Variants in CDC73 observed in about 807,000 individuals in gnomAD.
CDC73 encodes parafibromin.
Under a neutral mutation model 83.7 loss-of-function variants are expected in CDC73, and 21 were observed. The observed-to-expected ratio is 0.25, with a 90% CI of 0.18 to 0.36. The LOEUF (loss-of-function observed/expected upper bound fraction) is 0.36, where lower values mean the gene tolerates loss of function less well. Among genes scored for constraint, CDC73 ranks in the 10% least tolerant of loss-of-function variants. The pLI, the probability that CDC73 is intolerant of heterozygous loss-of-function variation, is 1.00. For synonymous variants in CDC73, 224 were observed against 212.9 expected (o/e 1.05, Z -0.45); for missense variants, 342 against 653.3 (o/e 0.52, Z 5.19).
At chr1:193,231,503 CAT>C (rs1396401888) in intron 13 of CDC73, among the ~76,000 whole-genome samples, 1 of 152,078 alleles carries the variant, frequency 6.6e-6, no homozygotes, top group Non-Finnish European at 1.5e-5. Context: ...ACAATGCACA[CAT>C]ATTAAATTTT....
intron 10 of CDC73, among the ~76,000 whole-genome samples, chr1:193,178,510 C>A (rs912473766): frequency 6.6e-6 from 1 of 152,154 alleles, no homozygotes; most frequent in Non-Finnish European, 1.5e-5. Flanking sequence ...TATGCACACA[C>A]ACACACTGTT....
rs371411596 is a variant in CDC73 at position 193,198,830 on chromosome 1, G to A, written c.973-4965G>A. 3.3e-4 allele frequency among the ~76,000 whole-genome samples: 50 copies of A among 152,332 alleles called. 1 individual carries two copies. The South Asian group carries it at 6.4e-3, about 20-fold the overall frequency. The stretch of plus-strand genomic sequence containing the variant: ...TCTGCTTACTAGGCATGTGACCTGG[G>A]CAAGTAACTGGTTTTTGCTTGTTTG... On this transcript the variant is annotated intron_variant, in intron 10 of 16. Coordinates refer to ENST00000367435, the MANE Select transcript of CDC73 (RefSeq NM_024529.5).
At chr1:193,241,208 T>G (rs982321023) in intron 15 of CDC73, among the ~76,000 whole-genome samples, 4 of 152,164 alleles carry the variant, frequency 2.6e-5, no homozygotes, top group African/African-American at 9.7e-5. Flanking sequence ...ATGATTTTGA[T>G]TGGGTGGGGC....
At chr1:193,181,579 A>AG in intron 10 of CDC73, 1 of 1,560,708 alleles carries the variant, frequency 6.4e-7, no homozygotes. Context: ...AATATCCAGT[A>AG]GTGGTATATG....
intron 3 of CDC73, among the ~76,000 whole-genome samples, chr1:193,133,003 G>A (rs1675723503): frequency 1.3e-5 from 2 of 150,058 alleles, no homozygotes; most frequent in Admixed American, 1.3e-4. Context: ...CCGGGTGCAT[G>A]CCATTCTTCT....
chr1:193,244,519 C>T (rs1055841068), intron 15 of CDC73, among the ~76,000 whole-genome samples: 1 of 152,090 alleles, frequency 6.6e-6, no homozygotes, highest in African/African-American at 2.4e-5. Context: ...AAGTTTGAGG[C>T]CCTGGCCTAC....
chr1:193,180,947 G>C lies in CDC73; in HGVS notation c.973-22848G>C, dbSNP rs760053575. The stretch of plus-strand genomic sequence containing the variant: ...TCATGATATTGTCTGCTTTCTTCCA[G>C]TATTGCACGTTGAAGGTAGCCATTT... On this transcript the variant is annotated intron_variant, in intron 10 of 16. Coordinates refer to ENST00000367435, the MANE Select transcript of CDC73 (RefSeq NM_024529.5). 14 of 1,613,298 alleles carry C rather than the reference G, an allele frequency of 8.7e-6. No individual in the cohort carries two copies. The highest frequency in any genetic ancestry group is 2.7e-5 in the African/African-American group (2 of 74,870).
intron 10 of CDC73, among the ~76,000 whole-genome samples, chr1:193,199,870 T>C (rs1677060076): frequency 6.6e-6 from 1 of 152,076 alleles, no homozygotes; most frequent in Non-Finnish European, 1.5e-5. Context: ...CATATGTGAC[T>C]TTTGCCCTTA....
chr1:193,194,627 T>C (rs1676970898), intron 10 of CDC73, among the ~76,000 whole-genome samples: 1 of 152,178 alleles, frequency 6.6e-6, no homozygotes, highest in Non-Finnish European at 1.5e-5. Flanking sequence ...GAGATCATTA[T>C]AGACTTTGAT....
At chr1:193,238,762 C>T (rs141355340) in intron 15 of CDC73, among the ~76,000 whole-genome samples, 2 of 152,118 alleles carry the variant, frequency 1.3e-5, no homozygotes, top group South Asian at 2.1e-4. Context: ...AAAAAGAAAA[C>T]GTTAAGAAAA....
chr1:193,243,989 T>C (rs187520300), intron 15 of CDC73, among the ~76,000 whole-genome samples: 3 of 152,326 alleles, frequency 2.0e-5, no homozygotes, highest in Non-Finnish European at 4.4e-5. Flanking sequence ...TAAAAGTCAA[T>C]TGTTTTCTCT....
intron 13 of CDC73, among the ~76,000 whole-genome samples, chr1:193,222,321 C>T (rs1197103277): frequency 1.3e-5 from 2 of 152,102 alleles, no homozygotes; most frequent in East Asian, 3.8e-4. Flanking sequence ...CTATTCAGCA[C>T]ATGTATGTGA....
chr1:193,219,418 TC>T (rs1677426610), intron 13 of CDC73, among the ~76,000 whole-genome samples: 1 of 152,208 alleles, frequency 6.6e-6, no homozygotes. Flanking sequence ...TATAAATCTT[TC>T]TACCAAAAAG....
At chr1:193,222,472 A>C (rs1033673212) in intron 13 of CDC73, among the ~76,000 whole-genome samples, 1 of 152,172 alleles carries the variant, frequency 6.6e-6, no homozygotes, top group Non-Finnish European at 1.5e-5. Flanking sequence ...TTGGAAAATA[A>C]TATGGGAGTT....
intron 10 of CDC73, among the ~76,000 whole-genome samples, chr1:193,194,054 G>A (rs1366310083): frequency 6.6e-6 from 1 of 152,086 alleles, no homozygotes; most frequent in East Asian, 1.9e-4. Flanking sequence ...GAAGGAACTA[G>A]GCAGGAGAAT....
chr1:193,190,565 C>T (rs1676902136), intron 10 of CDC73, among the ~76,000 whole-genome samples: 1 of 152,162 alleles, frequency 6.6e-6, no homozygotes, highest in South Asian at 2.1e-4. Context: ...CAGTGTTTGC[C>T]TGCCTTATTT....
intron 11 of CDC73, among the ~76,000 whole-genome samples, chr1:193,208,546 T>C (rs543770162): frequency 6.6e-6 from 1 of 152,234 alleles, no homozygotes; most frequent in Non-Finnish European, 1.5e-5. Flanking sequence ...TAACTGAGCT[T>C]TCTGCCTTCA....
At chr1:193,163,239 C>T (rs1196938378) in intron 10 of CDC73, among the ~76,000 whole-genome samples, 2 of 151,516 alleles carry the variant, frequency 1.3e-5, no homozygotes, top group Admixed American at 6.6e-5. Flanking sequence ...GGCGCAGTGG[C>T]TCATGCCTGT....
intron 10 of CDC73, among the ~76,000 whole-genome samples, chr1:193,176,953 A>G (rs1676613253): frequency 1.3e-5 from 2 of 152,190 alleles, no homozygotes; most frequent in Admixed American, 1.3e-4. Context: ...AGTAATGTGT[A>G]TGTTTTGCAA....
Sources: allele counts gnomAD v4.1 joint callset (sites outside exome capture counted in the v4.1 genomes callset), GRCh38; gene constraint gnomAD v4.1.1; transcripts MANE v1.5; gene names NCBI Gene and HGNC (gene_info 2026-07-23, HGNC 2026-07-21).